TMEM132C: variants seen among roughly 807,000 people sequenced by gnomAD.
The protein encoded by TMEM132C is protein phosphatase 1, regulatory subunit 152.
In TMEM132C, 29 loss-of-function variants were observed where a neutral mutation model predicts 61.4. The ratio of observed to expected loss-of-function variants is 0.47; its 90% CI spans 0.35 to 0.64. The LOEUF is 0.64. TMEM132C is among the 30% of genes least tolerant of loss of function. The pLI is 0.00. For missense variants in TMEM132C, 1,408 were observed against 1,476.9 expected (o/e 0.95, Z 0.76); for synonymous variants, 656 against 633.1 (o/e 1.04, Z -0.54).
At chr12:128,594,395 C>G (rs1481203844) in intron 3 of TMEM132C, among the ~76,000 whole-genome samples, 2 of 148,024 alleles carry the variant, frequency 1.4e-5, no homozygotes, top group African/African-American at 2.5e-5. Flanking sequence ...AATGAAAGCT[C>G]CACGGGACAT....
chr12:128,295,466 C>T (rs1000529392), intron 1 of TMEM132C, among the ~76,000 whole-genome samples: 5 of 151,690 alleles, frequency 3.3e-5, no homozygotes, highest in African/African-American at 7.3e-5. Context: ...AAAACTGAGA[C>T]GTGTAGGGTC....
At position 128,630,225 on chromosome 12, in the gene TMEM132C, C is replaced by T. The variant is rs1565996783; in HGVS notation, c.1305+13890C>T. The stretch of plus-strand genomic sequence containing the variant: ...GCATCCCTAACAAGCTCCAGGGACC[C>T]CACTTTGAGAAGCACTGCCCTGGGT... On this transcript the variant is annotated intron_variant, in intron 4 of 8. Transcript: ENST00000435159. This position sits in a 1 kb window ranked among gnomAD's most constrained non-coding sequence, Gnocchi z 4.3. Among the ~76,000 whole-genome samples, 1 of 152,044 alleles carries T rather than the reference C, an allele frequency of 6.6e-6. No homozygotes were observed. Among genetic ancestry groups the T allele is most frequent in the South Asian group, 2.1e-4 (1 of 4,820 alleles).
chr12:128,681,010 G>A (rs550185935), intron 5 of TMEM132C, among the ~76,000 whole-genome samples: 3 of 152,258 alleles, frequency 2.0e-5, no homozygotes, highest in South Asian at 4.1e-4. Flanking sequence ...GGTTAGCCTC[G>A]GGGAAGATGT....
chr12:128,464,244 A>G (rs114851889), intron 2 of TMEM132C, among the ~76,000 whole-genome samples: 29 of 152,328 alleles, frequency 1.9e-4, no homozygotes, highest in African/African-American at 6.7e-4. Context: ...TGGTGCTTCC[A>G]AGGGTAACAC....
chr12:128,531,187 A>G (rs1207952632), intron 2 of TMEM132C, among the ~76,000 whole-genome samples: 1 of 152,262 alleles, frequency 6.6e-6, no homozygotes. Context: ...AAGAAATAAT[A>G]GAGTTAGAAG....
At chr12:128,564,782 C>T (rs1565975745) in intron 3 of TMEM132C, among the ~76,000 whole-genome samples, 1 of 152,164 alleles carries the variant, frequency 6.6e-6, no homozygotes, top group Admixed American at 6.5e-5. Context: ...ACAAGTGCCA[C>T]ATGCTTGGCC....
intron 2 of TMEM132C, among the ~76,000 whole-genome samples, chr12:128,439,608 A>G (rs1204163467): frequency 6.6e-6 from 1 of 152,172 alleles, no homozygotes; most frequent in Admixed American, 6.5e-5. Context: ...GTGAAGAAGA[A>G]CCTTTCTTTT....
intron 2 of TMEM132C, among the ~76,000 whole-genome samples, chr12:128,435,273 T>C (rs1440182696): frequency 6.6e-6 from 1 of 152,154 alleles, no homozygotes; most frequent in African/African-American, 2.4e-5. Flanking sequence ...AAGAAACTAG[T>C]GCACCAGGTG....
chr12:128,573,382 C>G (rs1290005558), intron 3 of TMEM132C, among the ~76,000 whole-genome samples: 1 of 151,446 alleles, frequency 6.6e-6, no homozygotes, highest in East Asian at 1.9e-4. Flanking sequence ...TGTTCTCACT[C>G]ATAGGTGGGA....
intron 3 of TMEM132C, among the ~76,000 whole-genome samples, chr12:128,609,012 T>C (rs1876522668): frequency 1.3e-5 from 2 of 152,182 alleles, no homozygotes; most frequent in African/African-American, 4.8e-5. Context: ...TTTGGGTTTT[T>C]AGTTTTTTTA....
At chr12:128,539,729 T>G (rs1700431575) in intron 2 of TMEM132C, among the ~76,000 whole-genome samples, 1 of 152,206 alleles carries the variant, frequency 6.6e-6, no homozygotes, top group South Asian at 2.1e-4. Flanking sequence ...TTTATTGTCT[T>G]CTAGGTTACG....
chr12:128,502,848 G>T (rs1436020826), intron 2 of TMEM132C, among the ~76,000 whole-genome samples: 1 of 152,250 alleles, frequency 6.6e-6, no homozygotes, highest in Non-Finnish European at 1.5e-5. Context: ...GCGGCACCCA[G>T]TTTGGGCCGG....
chr12:128,572,549 G>A (rs1462867600), intron 3 of TMEM132C, among the ~76,000 whole-genome samples: 1 of 150,862 alleles, frequency 6.6e-6, no homozygotes, highest in Non-Finnish European at 1.5e-5. Context: ...TGGGTCACAT[G>A]CTTACTTGTG....
intron 5 of TMEM132C, among the ~76,000 whole-genome samples, chr12:128,673,817 G>T (rs1226198894): frequency 1.3e-5 from 2 of 152,154 alleles, no homozygotes; most frequent in African/African-American, 4.8e-5. Flanking sequence ...GTCAGCATGA[G>T]GATTAATCAG....
At chr12:128,494,525 G>T (rs1331386799) in intron 2 of TMEM132C, among the ~76,000 whole-genome samples, 1 of 152,076 alleles carries the variant, frequency 6.6e-6, no homozygotes, top group Non-Finnish European at 1.5e-5. Flanking sequence ...CAATTTCAGA[G>T]CCTGTTATTG....
intron 4 of TMEM132C, among the ~76,000 whole-genome samples, chr12:128,651,277 C>T (rs1954267423): frequency 1.3e-5 from 2 of 152,178 alleles, no homozygotes; most frequent in Admixed American, 6.5e-5. Flanking sequence ...AGAGTCTCTT[C>T]ACATCTGCAG....
intron 5 of TMEM132C, among the ~76,000 whole-genome samples, chr12:128,687,441 T>C (rs1954686521): frequency 6.6e-6 from 1 of 152,098 alleles, no homozygotes; most frequent in Non-Finnish European, 1.5e-5. Flanking sequence ...CCAGAGATGC[T>C]CAAATGCCCC....
At chr12:128,655,727 C>G (rs1954319759) in intron 4 of TMEM132C, among the ~76,000 whole-genome samples, 1 of 152,152 alleles carries the variant, frequency 6.6e-6, no homozygotes. Context: ...ATTACCACCA[C>G]TCCCTGCCAT....
At chr12:128,287,551 A>T (rs1015943989) in intron 1 of TMEM132C, among the ~76,000 whole-genome samples, 7 of 151,264 alleles carry the variant, frequency 4.6e-5, no homozygotes, top group African/African-American at 1.7e-4. Context: ...CTCTAGGTGC[A>T]ATTTTTCTGA....
Sources: gnomAD v4.1 joint callset for allele counts (sites outside exome capture counted in the v4.1 genomes callset) on GRCh38, gnomAD v4.1.1 for gene constraint, Gnocchi (gnomAD v3.1) non-coding constraint, MANE v1.5 for transcripts, NCBI Gene and HGNC (gene_info 2026-07-23, HGNC 2026-07-21) for gene names.